Variants in GNAI1 observed in about 807,000 individuals in gnomAD.
The protein encoded by GNAI1 is guanine nucleotide-binding protein G(i) subunit alpha-1.
GNAI1 carries 11 observed loss-of-function variants against 38.9 expected under a neutral mutation model. The observed-to-expected ratio is 0.28, with a 90% CI of 0.18 to 0.47. The LOEUF is 0.47. GNAI1 is among the 20% of genes least tolerant of loss of function. GNAI1 has a pLI of 0.99. For missense variants in GNAI1, 317 were observed against 436.9 expected, an observed-to-expected ratio of 0.73 and a Z score of 2.45; for synonymous variants, 166 against 145.1, an observed-to-expected ratio of 1.14 and a Z score of -1.04.
chr7:80,138,214 A>G (rs572854021), intron 1 of GNAI1, among the ~76,000 whole-genome samples: 1 of 152,292 alleles, frequency 6.6e-6, no homozygotes, highest in South Asian at 2.1e-4. Flanking sequence ...TTTTTTTCTT[A>G]AGGAATGTAT....
At chr7:80,159,833 G>A (rs979906744) in intron 1 of GNAI1, among the ~76,000 whole-genome samples, 1 of 152,032 alleles carries the variant, frequency 6.6e-6, no homozygotes, top group Non-Finnish European at 1.5e-5. Flanking sequence ...TAGATTTCTG[G>A]GGAACTCAAT....
At chr7:80,206,237 T>C (rs578092557) in intron 5 of GNAI1, among the ~76,000 whole-genome samples, 1 of 152,190 alleles carries the variant, frequency 6.6e-6, no homozygotes, top group South Asian at 2.1e-4. Flanking sequence ...AAAACAAACA[T>C]TGACCTGCTT....
chr7:80,166,944 G>A (rs1468422383), intron 1 of GNAI1, among the ~76,000 whole-genome samples: 1 of 152,170 alleles, frequency 6.6e-6, no homozygotes, highest in Non-Finnish European at 1.5e-5. Flanking sequence ...TATTTGTCAT[G>A]ATTAGAGTAT....
chr7:80,197,454 TTGAA>T (rs1158839941), intron 3 of GNAI1, among the ~76,000 whole-genome samples: 1 of 151,966 alleles, frequency 6.6e-6, no homozygotes, highest in Non-Finnish European at 1.5e-5. Context: ...GCTATTGAAA[TTGAA>T]TGAAGACGTC....
rs570990826 is a variant in GNAI1 at position 80,219,446 on chromosome 7, A to T, written c.*1953A>T. On this transcript the variant is annotated 3_prime_UTR_variant, in exon 8 of 8. Coordinates refer to ENST00000649796, the MANE Select transcript of GNAI1 (RefSeq NM_002069.6). ...GTACATTTTGGATTAGAATTTAAGTATCAGTCTGTTGTTTCTTCATTTCTT... is the reference window on the plus strand; with the variant it reads ...GTACATTTTGGATTAGAATTTAAGTTTCAGTCTGTTGTTTCTTCATTTCTT... 1.3e-5 allele frequency: 2 copies of T among 152,588 alleles called. No homozygotes were observed. Among genetic ancestry groups the T allele is most frequent in the African/African-American group, 4.8e-5 (2 of 41,466 alleles). 9.5% of individuals were successfully genotyped at this position (152,588 alleles called of 1,614,324 possible).
At chr7:80,182,138 T>C (rs568254714) in intron 1 of GNAI1, among the ~76,000 whole-genome samples, 3 of 152,192 alleles carry the variant, frequency 2.0e-5, no homozygotes, top group Non-Finnish European at 4.4e-5. Flanking sequence ...TTAGATTATG[T>C]GGTATTTGCC....
chr7:80,149,818 A>G (rs2116095930), intron 1 of GNAI1, among the ~76,000 whole-genome samples: 2 of 152,322 alleles, frequency 1.3e-5, no homozygotes, highest in African/African-American at 4.8e-5. Flanking sequence ...TTAACAAGGC[A>G]TTTTTAAAAT....
At chr7:80,185,243 G>A (rs1437947899) in intron 1 of GNAI1, among the ~76,000 whole-genome samples, 1 of 150,084 alleles carries the variant, frequency 6.7e-6, no homozygotes, top group Non-Finnish European at 1.5e-5. Flanking sequence ...GCATTATTCA[G>A]TCTGTGCTTT....
intron 1 of GNAI1, among the ~76,000 whole-genome samples, chr7:80,146,444 G>T (rs1003270405): frequency 1.3e-5 from 2 of 152,110 alleles, no homozygotes; most frequent in Non-Finnish European, 2.9e-5. Context: ...ATTCTCTATT[G>T]TGTCTGGCTC....
At chr7:80,180,174 A>G (rs1167449022) in intron 1 of GNAI1, among the ~76,000 whole-genome samples, 1 of 152,234 alleles carries the variant, frequency 6.6e-6, no homozygotes, top group Non-Finnish European at 1.5e-5. Context: ...TAGACAAAGC[A>G]GTATATGATT....
In GNAI1 at chr7:80,135,252, C is replaced by T; in HGVS notation, c.92C>T (p.Ala31Val). Reference protein sequence around the residue: ...RNLREDGEKAAREVKLLLLGA... With the variant: ...RNLREDGEKAVREVKLLLLGA... The stretch of plus-strand genomic sequence containing the variant: ...CTCCGTGAGGACGGCGAGAAGGCGG[C>T]GCGCGAGGTCAAGCTGCTGCTGCTC... Residue 31 changes from alanine (A) to valine (V), a missense_variant, in exon 1 of 8, where the codon GCG becomes GTG. Transcript: ENST00000649796. 2 of 1,523,770 alleles carry T rather than the reference C, an allele frequency of 1.3e-6. No individual in the cohort carries two copies. Among genetic ancestry groups the T allele is most frequent in the Admixed American group, 2.0e-5 (1 of 50,764 alleles). 94.4% of individuals were successfully genotyped at this position (1,523,770 alleles called of 1,614,324 possible).
At chr7:80,217,209 T>TGACTTCAGTTTCATACGTATGAAACA (rs1788986431) in intron 7 of GNAI1, 94 bp from the exon 8 acceptor site, 1 of 778,294 alleles carries the variant, frequency 1.3e-6, no homozygotes, top group African/African-American at 1.8e-5. Context: ...TGTATGAAAC[T>TGACTTCAGTTTCATACGTATGAAACA]GACTTCAGTT....
intron 1 of GNAI1, among the ~76,000 whole-genome samples, chr7:80,143,936 A>G (rs1420768613): frequency 3.2e-4 from 33 of 103,094 alleles, no homozygotes; most frequent in Admixed American, 2.8e-3. Context: ...GCGTGTGTGT[A>G]TCTATATGTG....
chr7:80,205,725 C>T (rs1788763751), intron 5 of GNAI1, among the ~76,000 whole-genome samples: 1 of 151,934 alleles, frequency 6.6e-6, no homozygotes, highest in Non-Finnish European at 1.5e-5. Context: ...TAAAAGATTA[C>T]AAAAGCAGAA....
In GNAI1 at chr7:80,135,331, C is replaced by G. The variant is rs1266240476; in HGVS notation, c.118+53C>G. The G allele has an allele frequency of 3.7e-6, 4 of 1,073,248 alleles. No homozygotes were observed. In the East Asian group the frequency reaches 9.6e-5, roughly 26 times the overall value. The allele number at this position is 1,073,248 out of a possible 1,614,324, so 66.5% of individuals were successfully genotyped here. A position where few individuals can be genotyped will look rare whatever the true frequency, so the allele number is the denominator to read the frequency against. ...GGTCGGCGGGGGACCGGGTGCGGCG[C>G]TGCGCGGCCCTCGGCGTTTGGAAAC... On this transcript the variant is annotated intron_variant, in intron 1 of 7. Transcript: ENST00000649796.
At chr7:80,136,419 G>A (rs1272480238) in intron 1 of GNAI1, among the ~76,000 whole-genome samples, 2 of 152,092 alleles carry the variant, frequency 1.3e-5, no homozygotes, top group South Asian at 4.1e-4. Flanking sequence ...AATGACTGCA[G>A]AAAAAATGGT....
intron 3 of GNAI1, among the ~76,000 whole-genome samples, chr7:80,190,683 A>T (rs1788465560): frequency 6.6e-6 from 1 of 152,160 alleles, no homozygotes; most frequent in African/African-American, 2.4e-5. Context: ...TGTACCTTAC[A>T]CCAATTCTAA....
intron 5 of GNAI1, among the ~76,000 whole-genome samples, chr7:80,205,149 AT>A (rs1788751354): frequency 1.3e-5 from 2 of 152,168 alleles, no homozygotes; most frequent in Non-Finnish European, 2.9e-5. Context: ...TCAATGACTA[AT>A]TTATATGAAT....
chr7:80,159,975 C>G (rs993900805), intron 1 of GNAI1, among the ~76,000 whole-genome samples: 1 of 152,108 alleles, frequency 6.6e-6, no homozygotes, highest in Non-Finnish European at 1.5e-5. Context: ...GTAGCAGTAA[C>G]GTTGACCTCT....
Sources: gnomAD v4.1 joint callset for allele counts (sites outside exome capture counted in the v4.1 genomes callset) on GRCh38, gnomAD v4.1.1 for gene constraint, MANE v1.5 for transcripts, NCBI Gene and HGNC (gene_info 2026-07-23, HGNC 2026-07-21) for gene names.